Variants in RRAGC observed in about 807,000 individuals in gnomAD.
RRAGC encodes ras-related GTP-binding protein C.
Under a neutral mutation model 37.1 loss-of-function variants are expected in RRAGC, and 8 were observed. The ratio of observed to expected loss-of-function variants is 0.22; its 90% CI spans 0.13 to 0.39. The LOEUF (loss-of-function observed/expected upper bound fraction) is 0.39, where lower values mean the gene tolerates loss of function less well. Among genes scored for constraint, RRAGC ranks in the 10% least tolerant of loss-of-function variants. The pLI, the probability that RRAGC is intolerant of heterozygous loss-of-function variation, is 1.00. For missense variants in RRAGC, 342 were observed against 497.6 expected, an observed-to-expected ratio of 0.69 and a Z score of 2.98; for synonymous variants, 190 against 181.1, an observed-to-expected ratio of 1.05 and a Z score of -0.39.
chr1:38,844,582 T>C (rs1409877090), intron 6 of RRAGC, among the ~76,000 whole-genome samples: 1 of 152,050 alleles, frequency 6.6e-6, no homozygotes, highest in Admixed American at 6.6e-5. Flanking sequence ...CAAGATCACA[T>C]GCTTAGAAGA....
intron 5 of RRAGC, among the ~76,000 whole-genome samples, chr1:38,849,108 A>C (rs1483091382): frequency 6.6e-6 from 1 of 152,046 alleles, no homozygotes; most frequent in Non-Finnish European, 1.5e-5. Flanking sequence ...CTCAAAAAAA[A>C]AAAAGAAAAA....
chr1:38,839,613 C>T lies in RRAGC; in HGVS notation c.1140G>A (p.Gln380=). 1 of 1,614,160 alleles carries T rather than the reference C, an allele frequency of 6.2e-7. No individual in the cohort carries two copies. The highest frequency in any genetic ancestry group is 8.5e-7 in the Non-Finnish European group (1 of 1,180,034). The change falls in exon 7 of 7, where the codon CAG becomes CAA. Residue 380 remains glutamine (Q), a synonymous_variant. Coordinates refer to ENST00000373001, the MANE Select transcript of RRAGC (RefSeq NM_022157.4). The part of the protein sequence containing the change: ...GVTSHRSCGH[Q]TSASSLKALT... The stretch of plus-strand genomic sequence containing the variant: ...GCGCTTTCAGACTGGAGGCACTAGT[C>T]TGGTGACCACAGCTCCTGTGAGAAG...
intron 6 of RRAGC, among the ~76,000 whole-genome samples, chr1:38,841,368 AT>A (rs370794807): frequency 0.012 from 1,716 of 147,076 alleles, 25 homozygotes; most frequent in African/African-American, 0.033. Flanking sequence ...ATAAACAAAA[AT>A]TTTTTTTTTT....
chr1:38,845,577 A>G (rs984202789), intron 6 of RRAGC, among the ~76,000 whole-genome samples: 10 of 152,334 alleles, frequency 6.6e-5, no homozygotes, highest in Admixed American at 2.0e-4. Flanking sequence ...ATACCTATGT[A>G]GCAAACCCGT....
intron 1 of RRAGC, among the ~76,000 whole-genome samples, chr1:38,857,730 C>T (rs1425123135): frequency 1.3e-5 from 2 of 152,206 alleles, no homozygotes; most frequent in South Asian, 4.1e-4. Flanking sequence ...GCGGCCGAGG[C>T]GGGCGGATCA....
chr1:38,853,574 C>T (rs944987047), intron 3 of RRAGC, among the ~76,000 whole-genome samples: 4 of 152,012 alleles, frequency 2.6e-5, no homozygotes, highest in Non-Finnish European at 5.9e-5. Context: ...GGAGAAACCC[C>T]ATGTCTACTA....
chr1:38,852,125 T>C (rs902933724), intron 4 of RRAGC, among the ~76,000 whole-genome samples: 4 of 152,240 alleles, frequency 2.6e-5, no homozygotes, highest in Non-Finnish European at 5.9e-5. Context: ...TACTTTGCTA[T>C]CAAGAAAGGC....
intron 3 of RRAGC, among the ~76,000 whole-genome samples, chr1:38,853,869 A>T (rs1412002567): frequency 2.0e-5 from 3 of 152,078 alleles, no homozygotes; most frequent in African/African-American, 7.2e-5. Context: ...CATAGATACT[A>T]GGGAGAAAGG....
At chr1:38,855,142 T>C (rs892296773) in intron 3 of RRAGC, among the ~76,000 whole-genome samples, 3 of 152,192 alleles carry the variant, frequency 2.0e-5, no homozygotes, top group African/African-American at 7.2e-5. Context: ...AGCCAAACTT[T>C]ATAGAGTTTC....
intron 1 of RRAGC, 131 bp downstream of exon 1, chr1:38,859,279 G>A (rs534663322): frequency 4.5e-6 from 4 of 885,594 alleles, no homozygotes; most frequent in South Asian, 1.8e-5. Flanking sequence ...CTGTGCGCTC[G>A]CAAGAGTGGA....
intron 5 of RRAGC, 95 bp from the exon 6 acceptor site, chr1:38,846,182 G>A (rs1207239591): frequency 2.1e-6 from 2 of 965,524 alleles, no homozygotes; most frequent in Non-Finnish European, 3.2e-6. Flanking sequence ...TTTCCCAAAT[G>A]TCTCTGGGAA....
Position 38,851,752 on chromosome 1 carries a change from T to C in RRAGC, c.762A>G (p.Ser254=). The C allele has an allele frequency of 6.2e-7, 1 of 1,609,500 alleles. No homozygotes were observed. The change falls in exon 5 of 7, where the codon TCA becomes TCG. Residue 254 remains serine (S), a synonymous_variant. Transcript: ENST00000373001. ...ENLLNIFISN[S]GIEKAFLFDV... Reference sequence around the variant, plus strand: ...CAAAGAGAAAAGCTTTTTCAATACCTGAATTCTTGGAAAAACAAATGGGAA... The same window carrying C: ...CAAAGAGAAAAGCTTTTTCAATACCCGAATTCTTGGAAAAACAAATGGGAA...
At chr1:38,853,859 C>G (rs748811897) in intron 3 of RRAGC, among the ~76,000 whole-genome samples, 2 of 152,010 alleles carry the variant, frequency 1.3e-5, no homozygotes, top group Non-Finnish European at 2.9e-5. Flanking sequence ...AAGATGACCC[C>G]ATAGATACTA....
chr1:38,859,000 G>A (rs1642200974), intron 1 of RRAGC, among the ~76,000 whole-genome samples: 1 of 152,244 alleles, frequency 6.6e-6, no homozygotes, highest in African/African-American at 2.4e-5. Context: ...CTGGGGCTCT[G>A]CTGGGAATCC....
At chr1:38,851,194 G>C (rs959833161) in intron 5 of RRAGC, among the ~76,000 whole-genome samples, 1 of 152,104 alleles carries the variant, frequency 6.6e-6, no homozygotes, top group African/African-American at 2.4e-5. Context: ...TACTTTCTTT[G>C]CTCTCTGAAA....
intron 5 of RRAGC, chr1:38,846,357 C>T: frequency 3.4e-6 from 1 of 297,944 alleles, no homozygotes. Context: ...ATATCTTAAC[C>T]AGGGAAATGA....
chr1:38,851,363 G>T, intron 5 of RRAGC: 1 of 285,488 alleles, frequency 3.5e-6, no homozygotes, highest in East Asian at 5.7e-5. Flanking sequence ...ACAACAGTGG[G>T]AGAAACTTGC....
chr1:38,840,402 C>A (rs942842), intron 6 of RRAGC, among the ~76,000 whole-genome samples: 144,949 of 152,084 alleles, frequency 0.95, 69,313 homozygotes, highest in African/African-American at 0.99. Context: ...ATACTTATTA[C>A]ACAGCACGAT....
chr1:38,844,654 T>A (rs1008739880), intron 6 of RRAGC, among the ~76,000 whole-genome samples: 27 of 152,028 alleles, frequency 1.8e-4, no homozygotes, highest in African/African-American at 6.3e-4. Context: ...CCTGGTAACT[T>A]CCAAAAGTCT....
Sources: gnomAD v4.1 joint callset for allele counts (sites outside exome capture counted in the v4.1 genomes callset) on GRCh38, gnomAD v4.1.1 for gene constraint, MANE v1.5 for transcripts, NCBI Gene and HGNC (gene_info 2026-07-23, HGNC 2026-07-21) for gene names.